Variants in ETS1 observed in about 807,000 individuals in gnomAD.
ETS1 encodes protein C-ets-1.
A neutral mutation model predicts 58.6 loss-of-function variants in ETS1; 15 were observed. The ratio of observed to expected loss-of-function variants is 0.26; its 90% CI spans 0.17 to 0.39. The LOEUF is 0.39. Among genes scored for constraint, ETS1 ranks in the 10% least tolerant of loss-of-function variants. The pLI is 1.00. For missense variants in ETS1, 417 were observed against 610.5 expected (o/e 0.68, Z 3.34); for synonymous variants, 214 against 218.2 (o/e 0.98, Z 0.17).
chr11:128,504,144 T>C (rs1863164304), intron 3 of ETS1, among the ~76,000 whole-genome samples: 1 of 152,210 alleles, frequency 6.6e-6, no homozygotes, highest in South Asian at 2.1e-4. Context: ...GGGAGCATGC[T>C]TATGCTCCCT....
chr11:128,514,349 G>A (rs78360144), intron 3 of ETS1, among the ~76,000 whole-genome samples: 2,275 of 152,106 alleles, frequency 0.015, 47 homozygotes, highest in African/African-American at 0.048. Context: ...GGTTCAAAAC[G>A]CTCTTTGGGT....
At chr11:128,475,882 T>TTGTGTG (rs61450075) in intron 8 of ETS1, among the ~76,000 whole-genome samples, 35,572 of 149,714 alleles carry the variant, frequency 0.24, 4,338 homozygotes, top group Admixed American at 0.31. Flanking sequence ...ACTAGTACCT[T>TTGTGTG]TGTGTGTGTG....
At chr11:128,566,295 A>C (rs1164404687) in intron 2 of ETS1, among the ~76,000 whole-genome samples, 1 of 152,206 alleles carries the variant, frequency 6.6e-6, no homozygotes, top group Non-Finnish European at 1.5e-5. Flanking sequence ...AAAGTGAAGA[A>C]TAGAAAGAGA....
intron 1 of ETS1, among the ~76,000 whole-genome samples, chr11:128,580,259 A>G (rs2135593267): frequency 6.6e-6 from 1 of 151,700 alleles, no homozygotes; most frequent in Non-Finnish European, 1.5e-5. Flanking sequence ...TCAAGAGTTA[A>G]CTACAAGCAA....
chr11:128,516,366 T>C (rs1863523594), intron 3 of ETS1, among the ~76,000 whole-genome samples: 1 of 152,244 alleles, frequency 6.6e-6, no homozygotes, highest in Non-Finnish European at 1.5e-5. Flanking sequence ...AGACCTAGAA[T>C]ACTGCAAACA....
At chr11:128,560,959 C>T (rs573142136) in intron 2 of ETS1, among the ~76,000 whole-genome samples, 2 of 152,036 alleles carry the variant, frequency 1.3e-5, no homozygotes, top group East Asian at 3.9e-4. Flanking sequence ...TGAAGGGCCA[C>T]ATGAGCAAAA....
intron 3 of ETS1, among the ~76,000 whole-genome samples, chr11:128,550,357 G>C (rs1864210014): frequency 6.6e-6 from 1 of 152,232 alleles, no homozygotes; most frequent in Non-Finnish European, 1.5e-5. Context: ...GGCCATGTAG[G>C]AAGCAGGAGC....
At chr11:128,525,815 C>G (rs1162422224) in intron 3 of ETS1, among the ~76,000 whole-genome samples, 1 of 152,068 alleles carries the variant, frequency 6.6e-6, no homozygotes, top group Admixed American at 6.5e-5. Context: ...AGAAAAATGC[C>G]TGGCACTTCA....
intron 8 of ETS1, among the ~76,000 whole-genome samples, chr11:128,472,536 C>A (rs1264432406): frequency 6.6e-6 from 1 of 152,234 alleles, no homozygotes; most frequent in Non-Finnish European, 1.5e-5. Context: ...CAGGTCCCTG[C>A]AGCTGTCACA....
In ETS1 at chr11:128,506,624, C is replaced by T. The variant is rs12282546; in HGVS notation, c.215-16048G>A. On this transcript the variant is annotated intron_variant, in intron 3 of 9. Coordinates refer to ENST00000392668, the MANE Select transcript of ETS1 (RefSeq NM_001143820.2). ...GCGGGCAAGGTGTCCAGGATGGCGC[C>T]CCTGGCAGTTGGTGGCATTACTGAA... is the stretch of plus-strand genomic sequence containing the variant. Among the ~76,000 whole-genome samples, 1,429 of 152,042 alleles carry T rather than the reference C, an allele frequency of 9.4e-3. 24 individuals carry two copies. Among genetic ancestry groups the T allele is most frequent in the African/African-American group, 0.033 (1,364 of 41,478 alleles).
At chr11:128,563,890 G>T (rs911849828) in intron 2 of ETS1, among the ~76,000 whole-genome samples, 1 of 152,130 alleles carries the variant, frequency 6.6e-6, no homozygotes, top group Non-Finnish European at 1.5e-5. Flanking sequence ...CAATACCTAG[G>T]CCATTTCTCT....
chr11:128,509,550 ATTT>A (rs59753000), intron 3 of ETS1, among the ~76,000 whole-genome samples: 2,127 of 95,062 alleles, frequency 0.022, 59 homozygotes, highest in African/African-American at 0.083. Flanking sequence ...TCAGGTGAAA[ATTT>A]TTTTTTTTTT....
At chr11:128,474,034 C>T (rs1862256549) in intron 8 of ETS1, among the ~76,000 whole-genome samples, 1 of 152,198 alleles carries the variant, frequency 6.6e-6, no homozygotes, top group African/African-American at 2.4e-5. Flanking sequence ...ACAGTCACCA[C>T]CCAATTCCAT....
At chr11:128,497,080 T>C (rs1451136800) in intron 3 of ETS1, among the ~76,000 whole-genome samples, 1 of 152,192 alleles carries the variant, frequency 6.6e-6, no homozygotes, top group Middle Eastern at 3.2e-3. Flanking sequence ...AACATACAAC[T>C]GGGTTTCTGA....
chr11:128,573,104 C>T lies in ETS1; in HGVS notation c.27G>A (p.Gly9=), dbSNP rs1029305268. The T allele has an allele frequency of 8.1e-6, 13 of 1,600,170 alleles. No individual in the cohort carries two copies. Among genetic ancestry groups the T allele is most frequent in the Non-Finnish European group, 1.0e-5 (12 of 1,173,536 alleles). The change falls in exon 2 of 10, where the codon GGG becomes GGA. Residue 9 remains glycine (G), a synonymous_variant. Transcript: ENST00000392668. The part of the protein sequence containing the change: MSYFVDSA[G]SSPVPYSAPR... The stretch of plus-strand genomic sequence containing the variant: ...GCGCTGAGTAAGGGACGGGGCTGCT[C>T]CCAGCAGAATCCACAAAGTAGCTCA...
intron 5 of ETS1, among the ~76,000 whole-genome samples, chr11:128,487,453 T>C (rs113736929): frequency 4.9e-4 from 74 of 152,194 alleles, no homozygotes; most frequent in African/African-American, 1.7e-3. Context: ...AATAAAAATA[T>C]ATTGAGGGCA....
At chr11:128,553,002 A>AGCAGAGAGGAG (rs141394788) in intron 3 of ETS1, among the ~76,000 whole-genome samples, 1,798 of 152,278 alleles carry the variant, frequency 0.012, 28 homozygotes, top group African/African-American at 0.041. Flanking sequence ...AGAGGAAGGG[A>AGCAGAGAGGAG]GCAGAGAGGA....
intron 2 of ETS1, among the ~76,000 whole-genome samples, chr11:128,569,027 G>T (rs1444591866): frequency 6.6e-6 from 1 of 152,186 alleles, no homozygotes; most frequent in African/African-American, 2.4e-5. Flanking sequence ...CTGCTTTCAA[G>T]TTTGATCTGT....
intron 8 of ETS1, among the ~76,000 whole-genome samples, chr11:128,471,938 T>C (rs1011317587): frequency 6.6e-6 from 1 of 152,186 alleles, no homozygotes; most frequent in Non-Finnish European, 1.5e-5. Context: ...ACTAGTTAGG[T>C]ATAATAGAAT....
Sources: gnomAD v4.1 joint callset for allele counts (sites outside exome capture counted in the v4.1 genomes callset) on GRCh38, gnomAD v4.1.1 for gene constraint, MANE v1.5 for transcripts, NCBI Gene and HGNC (gene_info 2026-07-23, HGNC 2026-07-21) for gene names.